Variants in MACROD2 observed in about 807,000 individuals in gnomAD.
The protein encoded by MACROD2 is mono-ADP ribosylhydrolase 2, also known as ADP-ribose glycohydrolase MACROD2.
A neutral mutation model predicts 70.4 loss-of-function variants in MACROD2; 36 were observed. The observed-to-expected ratio is 0.51, with a 90% confidence interval of 0.39 to 0.68. The LOEUF (loss-of-function observed/expected upper bound fraction) is 0.68, where lower values mean the gene tolerates loss of function less well. Among genes scored for constraint, MACROD2 ranks in the 30% least tolerant of loss-of-function variants. The pLI is 0.00. For missense variants in MACROD2, 496 were observed against 538.4 expected (o/e 0.92, Z 0.78); for synonymous variants, 172 against 178.8 (o/e 0.96, Z 0.30).
chr20:14,961,997 TGAGACGGA>T (rs1375233307), intron 5 of MACROD2, among the ~76,000 whole-genome samples: 1 of 151,864 alleles, frequency 6.6e-6, no homozygotes, highest in East Asian at 1.9e-4. Context: ...TGTTTGTTTT[TGAGACGGA>T]GTCTCACTCT....
intron 5 of MACROD2, among the ~76,000 whole-genome samples, chr20:14,918,020 T>C (rs913788): frequency 0.15 from 22,741 of 152,154 alleles, 1,809 homozygotes; most frequent in Middle Eastern, 0.26. Context: ...TTGCCCAGGC[T>C]GGAGTGCAAT....
chr20:15,706,837 A>C (rs2050539587), intron 8 of MACROD2, among the ~76,000 whole-genome samples: 2 of 152,210 alleles, frequency 1.3e-5, no homozygotes, highest in Admixed American at 1.3e-4. Flanking sequence ...TATTTATGAT[A>C]TTCATGATAA....
intron 8 of MACROD2, among the ~76,000 whole-genome samples, chr20:15,736,970 A>G (rs1284711411): frequency 1.3e-5 from 2 of 152,104 alleles, no homozygotes; most frequent in Non-Finnish European, 2.9e-5. Context: ...AGAGTGAATA[A>G]AAAAAGTAAA....
intron 5 of MACROD2, among the ~76,000 whole-genome samples, chr20:14,981,452 A>ATG (rs5840645): frequency 7.1e-6 from 1 of 140,176 alleles, no homozygotes; most frequent in African/African-American, 2.6e-5. Flanking sequence ...ATATATATAT[A>ATG]TGTGTGTGTG....
chr20:14,703,612 G>C (rs1194630383), intron 5 of MACROD2, among the ~76,000 whole-genome samples: 1 of 152,310 alleles, frequency 6.6e-6, no homozygotes, highest in East Asian at 1.9e-4. Flanking sequence ...CGACTAGGGA[G>C]GCTTGAGGCC....
At chr20:14,154,003 G>T (rs2055058900) in intron 3 of MACROD2, among the ~76,000 whole-genome samples, 1 of 152,210 alleles carries the variant, frequency 6.6e-6, no homozygotes, top group Non-Finnish European at 1.5e-5. Flanking sequence ...ACTAAAATGC[G>T]ATAGGAATAT....
intron 5 of MACROD2, among the ~76,000 whole-genome samples, chr20:15,059,080 A>G (rs558584603): frequency 1.3e-3 from 204 of 152,352 alleles, no homozygotes; most frequent in African/African-American, 4.6e-3. Context: ...ATATCTGTAC[A>G]GTACTAGAAT....
At chr20:15,806,658 A>G (rs1033966322) in intron 8 of MACROD2, among the ~76,000 whole-genome samples, 3 of 152,068 alleles carry the variant, frequency 2.0e-5, no homozygotes, top group Non-Finnish European at 4.4e-5. Flanking sequence ...ACAATTACCA[A>G]TATATTTTAC....
At chr20:15,633,040 A>G (rs909637578) in intron 8 of MACROD2, among the ~76,000 whole-genome samples, 2 of 151,386 alleles carry the variant, frequency 1.3e-5, no homozygotes, top group Admixed American at 6.6e-5. Context: ...TTTGCCTTTC[A>G]TTGTTTAACT....
chr20:14,721,477 A>G (rs1363470968), intron 5 of MACROD2, among the ~76,000 whole-genome samples: 1 of 152,138 alleles, frequency 6.6e-6, no homozygotes, highest in Non-Finnish European at 1.5e-5. Context: ...GTTTAAAATA[A>G]AAGTAAAAAT....
chr20:14,800,752 C>T (rs1600676139), intron 5 of MACROD2, among the ~76,000 whole-genome samples: 1 of 152,036 alleles, frequency 6.6e-6, no homozygotes, highest in African/African-American at 2.4e-5. Flanking sequence ...TAATTTCATC[C>T]GGAGGTTAGT....
chr20:14,207,284 T>G (rs180921200), intron 3 of MACROD2, among the ~76,000 whole-genome samples: 1 of 152,212 alleles, frequency 6.6e-6, no homozygotes, highest in East Asian at 1.9e-4. Context: ...TTTTTTTTAG[T>G]AGAGACGGGG....
At chr20:14,674,390 TA>T (rs1461571330) in intron 4 of MACROD2, among the ~76,000 whole-genome samples, 3 of 152,196 alleles carry the variant, frequency 2.0e-5, no homozygotes, top group African/African-American at 7.2e-5. Flanking sequence ...ATCATGATTT[TA>T]TCATGATTAA....
At chr20:14,542,720 T>C (rs1003404794) in intron 4 of MACROD2, among the ~76,000 whole-genome samples, 5 of 152,330 alleles carry the variant, frequency 3.3e-5, no homozygotes, top group African/African-American at 9.6e-5. Flanking sequence ...AGATATGTGA[T>C]AAAAGAAGCA....
chr20:15,148,383 C>T (rs1409888898), intron 5 of MACROD2, among the ~76,000 whole-genome samples: 1 of 151,922 alleles, frequency 6.6e-6, no homozygotes, highest in East Asian at 1.9e-4. Context: ...ATTGGGAGGA[C>T]CTAGGACATC....
intron 4 of MACROD2, among the ~76,000 whole-genome samples, chr20:14,613,958 T>A (rs986722965): frequency 1.3e-5 from 2 of 152,150 alleles, no homozygotes; most frequent in Non-Finnish European, 2.9e-5. Flanking sequence ...GAGATCTAAG[T>A]ACAATCCAAA....
rs1465086436 is a variant in MACROD2, at chr20:16,053,172, AATTT to A, written c.*3297_*3300del. ...ATTTGTTAGAGCAGAATACAAATAA[AATTT>A]GTTTGAGAGGATAATGTGAAATTAT... On this transcript the variant is annotated 3_prime_UTR_variant, in exon 18 of 18. Transcript: ENST00000684519. The A allele has an allele frequency of 5.5e-5, 5 of 91,284 alleles. No individual in the cohort carries two copies. The East Asian group carries it at 1.3e-3, about 24-fold the overall frequency. 5.7% of individuals were successfully genotyped at this position (91,284 alleles called of 1,614,324 possible). A position where few individuals can be genotyped will look rare whatever the true frequency, so the allele number is the denominator to read the frequency against.
At chr20:14,081,337 G>A (rs2053991723) in intron 2 of MACROD2, among the ~76,000 whole-genome samples, 1 of 152,038 alleles carries the variant, frequency 6.6e-6, no homozygotes, top group Admixed American at 6.6e-5. Flanking sequence ...AATGATCCCA[G>A]TTCTATACTG....
At chr20:15,899,192 CTATT>C (rs1340906865) in intron 10 of MACROD2, among the ~76,000 whole-genome samples, 15 of 151,800 alleles carry the variant, frequency 9.9e-5, no homozygotes, top group East Asian at 7.8e-4. Flanking sequence ...ATGTATGCAT[CTATT>C]TACTTATCTA....
Sources: allele counts gnomAD v4.1 joint callset (sites outside exome capture counted in the v4.1 genomes callset), GRCh38; gene constraint gnomAD v4.1.1; transcripts MANE v1.5; gene names NCBI Gene and HGNC (gene_info 2026-07-23, HGNC 2026-07-21).